GRIK5: variants seen among roughly 807,000 people sequenced by gnomAD.
The protein encoded by GRIK5 is glutamate ionotropic receptor kainate type subunit 5, also known as glutamate receptor ionotropic, kainate 5.
In GRIK5, 43 loss-of-function variants were observed where a neutral mutation model predicts 97.4. That is an observed-to-expected ratio of 0.44 (90% CI 0.35 to 0.57). The LOEUF (loss-of-function observed/expected upper bound fraction) is 0.57, where lower values mean the gene tolerates loss of function less well. Ranked by LOEUF, GRIK5 falls within the 20% of genes least tolerant of loss-of-function variation. The pLI is 0.01. For missense variants in GRIK5, 1,015 were observed against 1,382.0 expected, an observed-to-expected ratio of 0.73 and a Z score of 4.21; for synonymous variants, 580 against 583.5, an observed-to-expected ratio of 0.99 and a Z score of 0.09.
chr19:42,056,837 G>A lies in GRIK5; in HGVS notation c.742-14C>T. 1 of 1,614,102 alleles carries A rather than the reference G, an allele frequency of 6.2e-7. No homozygotes were observed. Among genetic ancestry groups the A allele is most frequent in the Non-Finnish European group, 8.5e-7 (1 of 1,179,950 alleles). ...GATGGGGAAGTCCTGGGACCAGGAA[G>A]AGGTGGTGAGGCCTGGGGCTAAGCC... On this transcript the variant is annotated splice_polypyrimidine_tract_variant and intron_variant, in intron 7 of 19. Coordinates refer to ENST00000593562, the MANE Select transcript of GRIK5 (RefSeq NM_002088.5).
intron 12 of GRIK5, among the ~76,000 whole-genome samples, chr19:42,040,541 G>A (rs191718562): frequency 1.2e-4 from 19 of 152,258 alleles, no homozygotes; most frequent in African/African-American, 4.3e-4. Flanking sequence ...CTCACCCGGG[G>A]CCTCTTTGGG....
intron 15 of GRIK5, among the ~76,000 whole-genome samples, chr19:42,008,860 T>C (rs1286079380): frequency 2.6e-5 from 4 of 152,176 alleles, no homozygotes; most frequent in Admixed American, 1.3e-4. Context: ...TTTTAGAGAA[T>C]GATATACACA....
intron 9 of GRIK5, 71 bp downstream of exon 9, chr19:42,054,249 T>C (rs1231095385): frequency 6.7e-7 from 1 of 1,494,396 alleles, no homozygotes; most frequent in Non-Finnish European, 9.1e-7. Context: ...GGCCACAGGG[T>C]GGTCACAGTG....
At position 42,065,512 on chromosome 19, in the gene GRIK5, T is replaced by C; in HGVS notation, c.80-125A>G. On this transcript the variant is annotated intron_variant, in intron 2 of 19. Coordinates refer to ENST00000593562, the MANE Select transcript of GRIK5 (RefSeq NM_002088.5). This position sits in a 1 kb window ranked among gnomAD's most constrained non-coding sequence, Gnocchi z 5.8. ...GACCAGGGGTCTAGACACCTGGATC[T>C]GAGGTTGGTGGGAGCTAGGGGTCTG... The C allele has an allele frequency of 9.3e-7, 1 of 1,076,654 alleles. No homozygotes were observed. The highest frequency in any genetic ancestry group is 1.3e-6 in the Non-Finnish European group (1 of 760,070). 66.7% of individuals were successfully genotyped at this position (1,076,654 alleles called of 1,614,324 possible).
At chr19:42,026,557 TTTA>T (rs1156412271) in intron 12 of GRIK5, among the ~76,000 whole-genome samples, 1 of 149,670 alleles carries the variant, frequency 6.7e-6, no homozygotes, top group East Asian at 2.0e-4. Flanking sequence ...CCCGGCCCTA[TTTA>T]TTATTATTAT....
In GRIK5 at chr19:42,022,283, G is replaced by A. The variant is rs766578746; in HGVS notation, c.1545C>T (p.Pro515=). The A allele has an allele frequency of 2.0e-5, 33 of 1,613,996 alleles. No individual in the cohort carries two copies. In the South Asian group the frequency reaches 3.4e-4, roughly 17 times the overall value. Residue 515 remains proline (P), a synonymous_variant, in exon 13 of 20, where the codon CCC becomes CCT. Coordinates refer to ENST00000593562, the MANE Select transcript of GRIK5 (RefSeq NM_002088.5). This position sits in a 1 kb window ranked among gnomAD's most constrained non-coding sequence, Gnocchi z 4.2. ...GGATGCTGATCCCCAGGGTCATAAAGGGCTTGGAAAAGTCGATGACCTTCT... is the reference window on the plus strand; with the variant it reads ...GGATGCTGATCCCCAGGGTCATAAAAGGCTTGGAAAAGTCGATGACCTTCT... The part of the protein sequence containing the change: ...EREKVIDFSK[P]FMTLGISILY...
chr19:42,008,444 T>G (rs1555873308), intron 15 of GRIK5, among the ~76,000 whole-genome samples: 1 of 152,126 alleles, frequency 6.6e-6, no homozygotes. Context: ...CTGGCCAACA[T>G]GGCAATACCC....
chr19:42,030,933 GA>G (rs1312386094), intron 12 of GRIK5, among the ~76,000 whole-genome samples: 1 of 152,216 alleles, frequency 6.6e-6, no homozygotes, highest in Admixed American at 6.5e-5. Context: ...GTGGACTGTA[GA>G]GTTCAAGTTC....
chr19:42,045,836 G>A (rs979576903), intron 11 of GRIK5, among the ~76,000 whole-genome samples: 5 of 152,180 alleles, frequency 3.3e-5, no homozygotes, highest in African/African-American at 1.2e-4. Flanking sequence ...AGGATGCTGA[G>A]GTCCAGAGAA....
intron 1 of GRIK5, among the ~76,000 whole-genome samples, chr19:42,068,203 A>T (rs1006458069): frequency 6.6e-6 from 1 of 151,984 alleles, no homozygotes; most frequent in African/African-American, 2.4e-5. Flanking sequence ...TGAGGTGGGG[A>T]GATGGAGTGA....
chr19:42,022,041 A>G lies in GRIK5; in HGVS notation c.1603T>C (p.Tyr535His). Reference protein sequence around the residue: ...YRVHMGRKPGYFSFLDPFSPA... With the variant: ...YRVHMGRKPGHFSFLDPFSPA... The stretch of plus-strand genomic sequence containing the variant: ...GAGAAGGGGTCCAGGAAGGAGAAGT[A>G]GCCAGGCTTGCGGCCCTGTGGGGAG... The change falls in exon 14 of 20, where the codon TAC (tyrosine) becomes CAC (histidine). Residue 535 changes from tyrosine (Y) to histidine (H), a missense_variant. Coordinates refer to ENST00000593562, the MANE Select transcript of GRIK5 (RefSeq NM_002088.5). This position sits in a 1 kb window ranked among gnomAD's most constrained non-coding sequence, Gnocchi z 4.2. 6.2e-7 allele frequency: 1 copy of G among 1,613,082 alleles called. No homozygotes were observed. Among genetic ancestry groups the G allele is most frequent in the Non-Finnish European group, 8.5e-7 (1 of 1,179,292 alleles).
At chr19:42,023,704 A>G (rs1348729264) in intron 12 of GRIK5, among the ~76,000 whole-genome samples, 2 of 152,210 alleles carry the variant, frequency 1.3e-5, no homozygotes, top group Non-Finnish European at 1.5e-5. Flanking sequence ...GGGCTGGGCA[A>G]GGACAGGGGC....
chr19:42,069,160 G>C, intron 1 of GRIK5, 81 bp downstream of exon 1: 1 of 395,188 alleles, frequency 2.5e-6, no homozygotes, highest in Non-Finnish European at 4.5e-6. Flanking sequence ...GGAGAATGTG[G>C]TGCCCCCCTG....
intron 5 of GRIK5, among the ~76,000 whole-genome samples, chr19:42,060,084 C>T (rs1334297412): frequency 6.6e-6 from 1 of 152,008 alleles, no homozygotes; most frequent in Non-Finnish European, 1.5e-5. Flanking sequence ...TCCTCTGCCC[C>T]AAACCCTCAA....
At chr19:42,056,889 A>C in intron 7 of GRIK5, 36 bp downstream of exon 7, 3 of 1,610,112 alleles carry the variant, frequency 1.9e-6, no homozygotes, top group South Asian at 1.1e-5. Context: ...GATGGGAAGG[A>C]AGTGGGGGCA....
In GRIK5 at chr19:42,002,435, C is replaced by T. The variant is rs1555871186; in HGVS notation, c.2514+897G>A. ...TGCCGGAGGGATGTCCTTGAGAAGGCAACCTGGACACGGGTGGAGGGCACC... is the reference window on the plus strand; with the variant it reads ...TGCCGGAGGGATGTCCTTGAGAAGGTAACCTGGACACGGGTGGAGGGCACC... On this transcript the variant is annotated intron_variant, in intron 19 of 19. Transcript: ENST00000593562. The surrounding 1 kb of genome is among the most constrained non-coding windows in gnomAD (Gnocchi z 5.2). 1 of 717,638 alleles carries T rather than the reference C, an allele frequency of 1.4e-6. No homozygotes were observed. The highest frequency in any genetic ancestry group is 2.0e-5 in the Admixed American group (1 of 50,018). 44.5% of individuals were successfully genotyped at this position (717,638 alleles called of 1,614,324 possible). A position where few individuals can be genotyped will look rare whatever the true frequency, so the allele number is the denominator to read the frequency against.
rs975123081 is a variant in GRIK5 at position 42,002,550 on chromosome 19, G to C, written c.2514+782C>G. ...CAGCTGGATGCAGAGCTGGGGTCTG[G>C]GGAGTAGATGTAAGGTCAGCCGCTG... On this transcript the variant is annotated intron_variant, in intron 19 of 19. Transcript: ENST00000593562. This position sits in a 1 kb window ranked among gnomAD's most constrained non-coding sequence, Gnocchi z 5.2. The C allele has an allele frequency of 2.9e-6, 2 of 681,082 alleles. No homozygotes were observed. The highest frequency in any genetic ancestry group is 5.5e-6 in the Non-Finnish European group (2 of 366,114). The allele number at this position is 681,082 out of a possible 1,614,324, so 42.2% of individuals were successfully genotyped here. A position where few individuals can be genotyped will look rare whatever the true frequency, so the allele number is the denominator to read the frequency against.
rs1308088508 is a variant in GRIK5, at chr19:42,042,473, G to T, written c.1473+79C>A. 7.7e-7 allele frequency: 1 copy of T among 1,304,950 alleles called. No individual in the cohort carries two copies. 80.8% of individuals were successfully genotyped at this position (1,304,950 alleles called of 1,614,324 possible). A position where few individuals can be genotyped will look rare whatever the true frequency, so the allele number is the denominator to read the frequency against. ...TGCCACCAGCCAGGCTGCTTCTGAG[G>T]TTCGACTGGCTGCCCAGCTGCCCGC... On this transcript the variant is annotated intron_variant, in intron 12 of 19. Transcript: ENST00000593562. This position sits in a 1 kb window ranked among gnomAD's most constrained non-coding sequence, Gnocchi z 6.9.
At chr19:42,058,221 C>T (rs1456238023) in intron 6 of GRIK5, among the ~76,000 whole-genome samples, 2 of 152,044 alleles carry the variant, frequency 1.3e-5, no homozygotes, top group African/African-American at 2.4e-5. Flanking sequence ...TGCTCTGTCA[C>T]CCAGACTGGA....
Sources: gnomAD v4.1 joint callset for allele counts (sites outside exome capture counted in the v4.1 genomes callset) on GRCh38, gnomAD v4.1.1 for gene constraint, Gnocchi (gnomAD v3.1) non-coding constraint, MANE v1.5 for transcripts, NCBI Gene and HGNC (gene_info 2026-07-23, HGNC 2026-07-21) for gene names.